The following MYO3B variants were observed in gnomAD, a reference collection of about 807,000 sequenced individuals.
MYO3B encodes the protein myosin-IIIb.
Under a neutral mutation model 174.6 loss-of-function variants are expected in MYO3B, and 156 were observed. The observed-to-expected ratio is 0.89, with a 90% CI of 0.78 to 1.02. The LOEUF (loss-of-function observed/expected upper bound fraction) is 1.02, where lower values mean the gene tolerates loss of function less well. Among genes scored for constraint, MYO3B ranks in the 50% least tolerant of loss-of-function variants. The probability of loss-of-function intolerance (pLI) is 0.00; values close to 1 mark genes in which losing one functional copy is unlikely to be tolerated. For missense variants in MYO3B, 1,632 were observed against 1,639.4 expected (o/e 1.00, Z 0.08); for synonymous variants, 563 against 569.1 (o/e 0.99, Z 0.15).
chr2:170,442,863 C>T (rs111339230), intron 22 of MYO3B, among the ~76,000 whole-genome samples: 11,816 of 152,124 alleles, frequency 0.078, 577 homozygotes, highest in African/African-American at 0.13. Flanking sequence ...TAGTATTCCA[C>T]GGTGTATATG....
chr2:170,646,815 A>T (rs1180250249), intron 32 of MYO3B: 1 of 700,700 alleles, frequency 1.4e-6, no homozygotes, highest in African/African-American at 1.9e-5. Context: ...ATAGAGAAGC[A>T]GTAACAATTG....
At chr2:170,427,369 C>T (rs554437322) in intron 22 of MYO3B, among the ~76,000 whole-genome samples, 8 of 152,200 alleles carry the variant, frequency 5.3e-5, no homozygotes, top group Non-Finnish European at 1.0e-4. Context: ...TACAGCATTA[C>T]AGTTCCATAA....
At chr2:170,180,164 T>A in intron 1 of MYO3B, 1 of 447,692 alleles carries the variant, frequency 2.2e-6, no homozygotes, top group South Asian at 1.6e-5. Flanking sequence ...TGCTGCAGAG[T>A]GCTTTACTTT....
intron 32 of MYO3B, among the ~76,000 whole-genome samples, chr2:170,589,631 C>T (rs1693700985): frequency 6.6e-6 from 1 of 152,074 alleles, no homozygotes. Flanking sequence ...TGTACAGCTG[C>T]ACAATGTGTT....
intron 3 of MYO3B, among the ~76,000 whole-genome samples, chr2:170,209,358 T>G (rs575426765): frequency 5.9e-5 from 9 of 152,284 alleles, no homozygotes; most frequent in Non-Finnish European, 1.3e-4. Context: ...AAAATAAGTT[T>G]CCTTGACTCT....
chr2:170,283,808 G>A (rs781562720), intron 7 of MYO3B, among the ~76,000 whole-genome samples: 1 of 152,198 alleles, frequency 6.6e-6, no homozygotes, highest in Non-Finnish European at 1.5e-5. Context: ...GTTGAAAGTA[G>A]CACATTATAT....
chr2:170,276,168 C>T (rs926373079), intron 7 of MYO3B, among the ~76,000 whole-genome samples: 2 of 152,186 alleles, frequency 1.3e-5, no homozygotes, highest in African/African-American at 4.8e-5. Context: ...CCTATACCCA[C>T]TTTCACCCAA....
intron 32 of MYO3B, among the ~76,000 whole-genome samples, chr2:170,614,655 T>C (rs547072605): frequency 6.6e-6 from 1 of 152,332 alleles, no homozygotes; most frequent in East Asian, 1.9e-4. Context: ...TGAGATCCCA[T>C]ATTTCTGACA....
At position 170,466,507 on chromosome 2, in the gene MYO3B, A is replaced by G. The variant is rs1684639824; in HGVS notation, c.2810A>G (p.Tyr937Cys). The part of the protein sequence containing the change: ...KRQTVASYFR[Y>C]SLMDLLSKMV... ...CTTGTGCATTTTTCTCCCTGGTAGT[A>G]TTCTCTGATGGACCTGCTCTCCAAA... The change falls in exon 25 of 35, where the codon TAT (tyrosine) becomes TGT (cysteine). Residue 937 changes from tyrosine (Y) to cysteine (C), a missense_variant and splice_region_variant. Transcript: ENST00000408978. 1.2e-6 allele frequency: 2 copies of G among 1,613,982 alleles called. No individual in the cohort carries two copies. The highest frequency in any genetic ancestry group is 1.7e-6 in the Non-Finnish European group (2 of 1,179,976).
Position 170,477,046 on chromosome 2 carries a change from G to A in MYO3B, c.3014+10335G>A, listed in dbSNP as rs569326921. ...TCTCAGCTTCCTTAGACTTTTGGGG[G>A]TAGGTTTGCCTAGGCCTGCCTACTG... On this transcript the variant is annotated intron_variant, in intron 25 of 34. Transcript: ENST00000408978. 1.9e-4 allele frequency among the ~76,000 whole-genome samples: 29 copies of A among 152,224 alleles called. 1 individual carries two copies. In the East Asian group the frequency reaches 3.1e-3, roughly 16 times the overall value.
intron 14 of MYO3B, 38 bp from the exon 15 acceptor site, chr2:170,391,482 C>T (rs2094411269): frequency 9.7e-7 from 1 of 1,025,700 alleles, no homozygotes; most frequent in African/African-American, 1.7e-5. Context: ...GATGGGGAAG[C>T]CAGAATATAT....
intron 7 of MYO3B, among the ~76,000 whole-genome samples, chr2:170,257,307 A>G (rs1054515801): frequency 6.6e-6 from 1 of 152,098 alleles, no homozygotes; most frequent in African/African-American, 2.4e-5. Flanking sequence ...CTCCATACAG[A>G]ACATACTCTG....
chr2:170,236,267 G>GA, intron 7 of MYO3B, 131 bp downstream of exon 7: 6 of 926,156 alleles, frequency 6.5e-6, no homozygotes, highest in South Asian at 3.6e-5. Flanking sequence ...TATTTTCTTT[G>GA]AAAAAGCAAG....
intron 28 of MYO3B, 52 bp from the exon 29 acceptor site, chr2:170,514,869 A>G: frequency 2.6e-6 from 4 of 1,520,742 alleles, no homozygotes; most frequent in Non-Finnish European, 3.6e-6. Flanking sequence ...TTGGTAATTC[A>G]TCTAGGTGTG....
intron 32 of MYO3B, among the ~76,000 whole-genome samples, chr2:170,579,902 A>C (rs781236709): frequency 6.6e-6 from 1 of 151,536 alleles, no homozygotes; most frequent in Non-Finnish European, 1.5e-5. Context: ...TTCAGGGGCC[A>C]CAGCCCAGGC....
At chr2:170,312,770 G>A (rs16858139) in intron 7 of MYO3B, among the ~76,000 whole-genome samples, 9,517 of 152,206 alleles carry the variant, frequency 0.063, 327 homozygotes, top group Middle Eastern at 0.13. Context: ...AATCACTTCC[G>A]TTTGGTATCC....
intron 7 of MYO3B, among the ~76,000 whole-genome samples, chr2:170,264,754 A>G (rs961801659): frequency 6.6e-6 from 1 of 152,222 alleles, no homozygotes; most frequent in Admixed American, 6.5e-5. Flanking sequence ...GGATAAATAC[A>G]ATGAAAATTG....
chr2:170,651,203 C>G (rs372335476), intron 32 of MYO3B, among the ~76,000 whole-genome samples: 1 of 152,184 alleles, frequency 6.6e-6, no homozygotes, highest in African/African-American at 2.4e-5. Context: ...TTGCTTCTCA[C>G]CTCCCCAAGA....
At chr2:170,307,168 A>G (rs1471964590) in intron 7 of MYO3B, among the ~76,000 whole-genome samples, 2 of 145,428 alleles carry the variant, frequency 1.4e-5, no homozygotes, top group Non-Finnish European at 3.0e-5. Context: ...ACTTGAGCCC[A>G]GGAGTTTGAG....
Sources: allele counts gnomAD v4.1 joint callset (sites outside exome capture counted in the v4.1 genomes callset), GRCh38; gene constraint gnomAD v4.1.1; transcripts MANE v1.5; gene names NCBI Gene and HGNC (gene_info 2026-07-23, HGNC 2026-07-21).